Variants in SMIM41 observed in about 807,000 individuals in gnomAD.
SMIM41 encodes the protein small integral membrane protein 41.
At chr12:52,086,069 C>T (rs1404869434) in intron 2 of SMIM41, among the ~76,000 whole-genome samples, 5 of 152,164 alleles carry the variant, frequency 3.3e-5, no homozygotes, top group South Asian at 2.1e-4. Context: ...GGATGCAGGA[C>T]GCAGCCCTGT....
chr12:52,083,667 C>T (rs1939849365), intron 1 of SMIM41, among the ~76,000 whole-genome samples: 1 of 152,192 alleles, frequency 6.6e-6, no homozygotes, highest in South Asian at 2.1e-4. Flanking sequence ...CAGAGTCCAG[C>T]CTGAGCCTCG....
At chr12:52,098,744 G>T (rs958190022) in intron 2 of SMIM41, among the ~76,000 whole-genome samples, 43 of 150,726 alleles carry the variant, frequency 2.9e-4, no homozygotes, top group Admixed American at 2.4e-3. Context: ...CGGGGGGGGG[G>T]GTGTACTGCC....
intron 2 of SMIM41, among the ~76,000 whole-genome samples, chr12:52,102,819 C>T (rs911750128): frequency 2.6e-5 from 4 of 152,130 alleles, no homozygotes; most frequent in Non-Finnish European, 4.4e-5. Flanking sequence ...AAATTAGAAA[C>T]AGAATCATCA....
intron 2 of SMIM41, among the ~76,000 whole-genome samples, chr12:52,096,740 ATAT>A (rs980919352): frequency 1.1e-4 from 17 of 151,918 alleles, no homozygotes; most frequent in African/African-American, 3.9e-4. Context: ...TTTAAAAATT[ATAT>A]TATCAGTTAT....
chr12:52,102,440 G>C (rs1374558520), intron 2 of SMIM41, among the ~76,000 whole-genome samples: 2 of 152,168 alleles, frequency 1.3e-5, no homozygotes, highest in African/African-American at 2.4e-5. Flanking sequence ...TGAGTGAAAA[G>C]ATAACCCGTG....
chr12:52,084,524 C>T (rs980976559), intron 2 of SMIM41, among the ~76,000 whole-genome samples: 4 of 152,104 alleles, frequency 2.6e-5, no homozygotes, highest in Admixed American at 6.5e-5. Flanking sequence ...GTGAAAGAGC[C>T]GAGAGCAGAG....
chr12:52,089,597 A>AAAAACAAAACAAAACAAAACAAAAC (rs149875066), intron 2 of SMIM41, among the ~76,000 whole-genome samples: 1 of 148,978 alleles, frequency 6.7e-6, no homozygotes, highest in African/African-American at 2.5e-5. Context: ...CCGCCTTCAA[A>AAAAACAAAACAAAACAAAACAAAAC]AAAACAAAAC....
chr12:52,097,722 C>T (rs143720987), intron 2 of SMIM41, among the ~76,000 whole-genome samples: 3 of 151,980 alleles, frequency 2.0e-5, no homozygotes, highest in African/African-American at 7.3e-5. Flanking sequence ...TGATACTTGC[C>T]GTCCATATAT....
Position 52,079,879 on chromosome 12 carries a change from G to T in SMIM41, c.100G>T (p.Ala34Ser). The T allele has an allele frequency of 2.6e-6, 1 of 390,368 alleles. No homozygotes were observed. Among genetic ancestry groups the T allele is most frequent in the Non-Finnish European group, 4.5e-6 (1 of 220,678 alleles). The allele number at this position is 390,368 out of a possible 1,614,324, so 24.2% of individuals were successfully genotyped here. A position where few individuals can be genotyped will look rare whatever the true frequency, so the allele number is the denominator to read the frequency against. ...GCCGGAGCCCCCCGAGGGGCCGCGC[G>T]CGGTGCAGGCGGTGGTGCTCGGCGT... ...SPPEPPEGPR[A>S]VQAVVLGVLS... is the part of the protein sequence containing the mutation. The change falls in exon 1 of 3, where the codon GCG becomes TCG. Residue 34 changes from alanine (A) to serine (S), a missense_variant. Physicochemically the swap from Ala to Ser is moderately conservative, Grantham distance 99. Coordinates refer to ENST00000546390, the MANE Select transcript of SMIM41 (RefSeq NM_001369216.1).
At chr12:52,100,117 C>T (rs964934792) in intron 2 of SMIM41, among the ~76,000 whole-genome samples, 2 of 151,888 alleles carry the variant, frequency 1.3e-5, no homozygotes, top group Non-Finnish European at 2.9e-5. Context: ...ATATCAAGCG[C>T]GGGTATACAT....
At chr12:52,104,581 A>G (rs930257354) in intron 2 of SMIM41, among the ~76,000 whole-genome samples, 1 of 139,646 alleles carries the variant, frequency 7.2e-6, no homozygotes, top group Non-Finnish European at 1.5e-5. Flanking sequence ...TCCTCAGGAA[A>G]AAAACAGGAG....
intron 2 of SMIM41, among the ~76,000 whole-genome samples, chr12:52,100,611 C>T (rs886712174): frequency 2.0e-5 from 3 of 150,906 alleles, no homozygotes; most frequent in East Asian, 1.9e-4. Flanking sequence ...CATGCGCTAC[C>T]GCGCCCAGCT....
At chr12:52,101,676 C>T (rs1160901119) in intron 2 of SMIM41, among the ~76,000 whole-genome samples, 1 of 151,950 alleles carries the variant, frequency 6.6e-6, no homozygotes, top group Non-Finnish European at 1.5e-5. Context: ...GGTTTTTAAG[C>T]TCTTCTCTTT....
Position 52,081,965 on chromosome 12 carries a change from CTT to C in SMIM41, c.*120+1785_*120+1786del, listed in dbSNP as rs909665895. ...GATGCTGGTGCAAAACGCGGCCTCT[CTT>C]CATACATTTGCGAATCAGGGATGGA... On this transcript the variant is annotated intron_variant, in intron 1 of 2. Coordinates refer to ENST00000546390, the MANE Select transcript of SMIM41 (RefSeq NM_001369216.1). This position sits in a 1 kb window ranked among gnomAD's most constrained non-coding sequence, Gnocchi z 4.1. 2 of 152,318 alleles carry C rather than the reference CTT, an allele frequency of 1.3e-5. No homozygotes were observed. The highest frequency in any genetic ancestry group is 4.8e-5 in the African/African-American group (2 of 41,454). The allele number at this position is 152,318 out of a possible 1,614,324, so 9.4% of individuals were successfully genotyped here.
rs566518411 is a variant in SMIM41, at chr12:52,094,665, T to G, written c.*195+10697T>G. On this transcript the variant is annotated intron_variant, in intron 2 of 2. Coordinates refer to ENST00000546390, the MANE Select transcript of SMIM41 (RefSeq NM_001369216.1). ...CTGACCATTCATTGCTCCTCCCTCCTGCTGTGCTCTCACCTCTTGGCCTCT... is the reference window on the plus strand; with the variant it reads ...CTGACCATTCATTGCTCCTCCCTCCGGCTGTGCTCTCACCTCTTGGCCTCT... 4 of 152,950 alleles carry G rather than the reference T, an allele frequency of 2.6e-5. No individual in the cohort carries two copies. The East Asian group carries it at 7.7e-4, about 29-fold the overall frequency. 9.5% of individuals were successfully genotyped at this position (152,950 alleles called of 1,614,324 possible).
intron 2 of SMIM41, among the ~76,000 whole-genome samples, chr12:52,090,037 G>A (rs745647586): frequency 6.6e-5 from 10 of 151,802 alleles, no homozygotes; most frequent in Non-Finnish European, 1.5e-4. Context: ...GAATCATCAG[G>A]AAGTGTTGCC....
At chr12:52,084,440 T>C (rs540427482) in intron 2 of SMIM41, among the ~76,000 whole-genome samples, 1 of 150,526 alleles carries the variant, frequency 6.6e-6, no homozygotes, top group Non-Finnish European at 1.5e-5. Flanking sequence ...CCCCTGCCCC[T>C]GAAGAGCTCA....
chr12:52,086,013 GA>G (rs1939887016), intron 2 of SMIM41, among the ~76,000 whole-genome samples: 1 of 152,214 alleles, frequency 6.6e-6, no homozygotes, highest in Non-Finnish European at 1.5e-5. Flanking sequence ...GCTGGAGGTG[GA>G]AAGTAAAGCT....
At chr12:52,104,219 C>T (rs2120725690) in intron 2 of SMIM41, 1 of 152,356 alleles carries the variant, frequency 6.6e-6, no homozygotes, top group East Asian at 1.9e-4. Flanking sequence ...CTTTTCTCTT[C>T]TTCTTCTTGC....
Sources: gnomAD v4.1 joint callset for allele counts (sites outside exome capture counted in the v4.1 genomes callset) on GRCh38, gnomAD v4.1.1 for gene constraint, Gnocchi (gnomAD v3.1) non-coding constraint, MANE v1.5 for transcripts, NCBI Gene and HGNC (gene_info 2026-07-23, HGNC 2026-07-21) for gene names.